The following PACRG variants were observed in gnomAD, a reference collection of about 807,000 sequenced individuals.
PACRG encodes parkin coregulated gene protein.
A neutral mutation model predicts 29.7 loss-of-function variants in PACRG; 29 were observed. That is an observed-to-expected ratio of 0.98 (90% CI 0.73 to 1.33). The LOEUF is 1.33. PACRG is among the 40% of genes most tolerant of loss of function. The pLI is 0.00. For synonymous variants in PACRG, 116 were observed against 118.7 expected, an observed-to-expected ratio of 0.98 and a Z score of 0.15; for missense variants, 279 against 316.2, an observed-to-expected ratio of 0.88 and a Z score of 0.89.
intron 4 of PACRG, among the ~76,000 whole-genome samples, chr6:163,180,421 A>G (rs1050636558): frequency 6.6e-6 from 1 of 152,134 alleles, no homozygotes; most frequent in African/African-American, 2.4e-5. Context: ...TGTTACATAG[A>G]TTATCATACA....
intron 4 of PACRG, among the ~76,000 whole-genome samples, chr6:163,140,109 A>G (rs763495940): frequency 2.1e-4 from 32 of 152,168 alleles, no homozygotes; most frequent in Non-Finnish European, 4.1e-4. Flanking sequence ...TCTTACCATG[A>G]TGGCTCTATA....
Position 163,084,822 on chromosome 6 carries a change from C to T in PACRG, c.464-4437C>T, listed in dbSNP as rs967742302. On this transcript the variant is annotated intron_variant, in intron 3 of 4. Transcript: ENST00000366888. ...TAATAAAAATTTAATGTTAGTGTTA[C>T]TCATATATCTCATATATACATATGT... Among the ~76,000 whole-genome samples, 6 of 99,054 alleles carry T rather than the reference C, an allele frequency of 6.1e-5. No homozygotes were observed. In the East Asian group the frequency reaches 2.9e-3, roughly 47 times the overall value. 65.0% of individuals were successfully genotyped at this position (99,054 alleles called of 152,430 possible).
chr6:163,189,906 G>A (rs866921265), intron 4 of PACRG: 4 of 152,200 alleles, frequency 2.6e-5, no homozygotes, highest in African/African-American at 4.8e-5. Context: ...ATGCTTGCAC[G>A]GGCAGACCCC....
At chr6:163,056,452 G>A (rs898733736) in intron 2 of PACRG, among the ~76,000 whole-genome samples, 7 of 152,178 alleles carry the variant, frequency 4.6e-5, no homozygotes, top group Non-Finnish European at 1.0e-4. Context: ...CCCTAAGTTG[G>A]AGGAAGCTGA....
intron 2 of PACRG, among the ~76,000 whole-genome samples, chr6:162,917,083 T>G (rs961099916): frequency 1.3e-5 from 2 of 152,194 alleles, no homozygotes; most frequent in East Asian, 3.8e-4. Context: ...TGCTGTAGCT[T>G]TGCTTCGAGT....
chr6:163,277,515 AC>A (rs1784081254), intron 4 of PACRG, among the ~76,000 whole-genome samples: 1 of 146,990 alleles, frequency 6.8e-6, no homozygotes, highest in South Asian at 2.1e-4. Context: ...ACACACACAC[AC>A]ATATACACAT....
chr6:162,935,911 C>T (rs2128111387), intron 2 of PACRG, among the ~76,000 whole-genome samples: 1 of 152,248 alleles, frequency 6.6e-6, no homozygotes, highest in Middle Eastern at 3.4e-3. Context: ...CATACTTCAA[C>T]ATTACTGTTC....
chr6:162,983,613 T>C (rs1007668174), intron 2 of PACRG, among the ~76,000 whole-genome samples: 2 of 152,048 alleles, frequency 1.3e-5, no homozygotes, highest in African/African-American at 2.4e-5. Flanking sequence ...ATTATTTTGT[T>C]TGAGGAGGCT....
At chr6:163,143,860 G>T (rs1362399265) in intron 4 of PACRG, among the ~76,000 whole-genome samples, 1 of 152,122 alleles carries the variant, frequency 6.6e-6, no homozygotes, top group South Asian at 2.1e-4. Flanking sequence ...AGACCAAGAG[G>T]TCGGTGTGGG....
chr6:162,843,786 T>TC (rs770770936), intron 2 of PACRG, among the ~76,000 whole-genome samples: 6,041 of 49,436 alleles, frequency 0.12, 274 homozygotes, highest in African/African-American at 0.23. Flanking sequence ...GGTGTGGATG[T>TC]CCTTTCTGTT....
chr6:163,147,113 C>T (rs1363650056), intron 4 of PACRG, among the ~76,000 whole-genome samples: 1 of 152,160 alleles, frequency 6.6e-6, no homozygotes, highest in African/African-American at 2.4e-5. Context: ...ATCTTATCCT[C>T]CTTCATTAGC....
chr6:162,933,011 C>G (rs545728176), intron 2 of PACRG, among the ~76,000 whole-genome samples: 6 of 151,898 alleles, frequency 4.0e-5, no homozygotes, highest in South Asian at 2.1e-4. Context: ...AAACTTTCCT[C>G]TGTGTACAGA....
chr6:163,114,225 G>A (rs1815860374), intron 4 of PACRG, among the ~76,000 whole-genome samples: 1 of 152,182 alleles, frequency 6.6e-6, no homozygotes, highest in Admixed American at 6.5e-5. Flanking sequence ...ACTTCAGCCT[G>A]GGTGAGAGAA....
chr6:163,297,585 C>T (rs1319718582), intron 4 of PACRG, among the ~76,000 whole-genome samples: 1 of 152,148 alleles, frequency 6.6e-6, no homozygotes, highest in African/African-American at 2.4e-5. Context: ...AGAGGCTCCC[C>T]ATACATTAAA....
At chr6:162,788,160 C>A (rs749592550) in intron 1 of PACRG, among the ~76,000 whole-genome samples, 6 of 152,056 alleles carry the variant, frequency 3.9e-5, no homozygotes, top group Non-Finnish European at 5.9e-5. Context: ...TTCCGTGACC[C>A]CCTATTTATT....
chr6:163,149,443 A>C (rs1039686286), intron 4 of PACRG, among the ~76,000 whole-genome samples: 1 of 152,158 alleles, frequency 6.6e-6, no homozygotes, highest in African/African-American at 2.4e-5. Context: ...CTTCCCTGCG[A>C]ACCCTGGAGA....
intron 4 of PACRG, among the ~76,000 whole-genome samples, chr6:163,094,182 G>A (rs935796262): frequency 2.5e-4 from 38 of 152,246 alleles, no homozygotes; most frequent in African/African-American, 8.9e-4. Context: ...CAGTTTTTCT[G>A]TCCCAAAGTT....
chr6:163,156,779 A>G (rs937583958), intron 4 of PACRG, among the ~76,000 whole-genome samples: 2 of 151,460 alleles, frequency 1.3e-5, no homozygotes, highest in African/African-American at 4.9e-5. Context: ...TCCAGCTTTC[A>G]CTCCTTGGCT....
chr6:163,079,610 AACT>A (rs1812881561), intron 3 of PACRG, among the ~76,000 whole-genome samples: 1 of 152,234 alleles, frequency 6.6e-6, no homozygotes, highest in East Asian at 1.9e-4. Context: ...TCCTGGTAAC[AACT>A]ACTATTTTCC....
Sources: allele counts gnomAD v4.1 joint callset (sites outside exome capture counted in the v4.1 genomes callset), GRCh38; gene constraint gnomAD v4.1.1; transcripts MANE v1.5; gene names NCBI Gene and HGNC (gene_info 2026-07-23, HGNC 2026-07-21).